Variants in SLC1A2 observed in about 807,000 individuals in gnomAD.
The protein encoded by SLC1A2 is solute carrier family 1 member 2.
A neutral mutation model predicts 48.8 loss-of-function variants in SLC1A2; 15 were observed. That is an observed-to-expected ratio of 0.31 (90% CI 0.21 to 0.47). The LOEUF (loss-of-function observed/expected upper bound fraction) is 0.47, where lower values mean the gene tolerates loss of function less well. Among genes scored for constraint, SLC1A2 ranks in the 20% least tolerant of loss-of-function variants. The pLI, the probability that SLC1A2 is intolerant of heterozygous loss-of-function variation, is 0.99. For missense variants in SLC1A2, 502 were observed against 730.5 expected (o/e 0.69, Z 3.61); for synonymous variants, 279 against 272.6 (o/e 1.02, Z -0.23).
At chr11:35,318,669 C>T (rs1355786152) in intron 1 of SLC1A2, among the ~76,000 whole-genome samples, 1 of 152,164 alleles carries the variant, frequency 6.6e-6, no homozygotes, top group African/African-American at 2.4e-5. Context: ...ATCCTGACTC[C>T]AACTCTTGCT....
chr11:35,347,575 A>G (rs1853088552), intron 1 of SLC1A2, among the ~76,000 whole-genome samples: 1 of 152,250 alleles, frequency 6.6e-6, no homozygotes, highest in East Asian at 1.9e-4. Flanking sequence ...TGGACACAAA[A>G]TTAAGAAGTG....
chr11:35,392,954 A>G (rs980317207), intron 1 of SLC1A2, among the ~76,000 whole-genome samples: 13 of 152,202 alleles, frequency 8.5e-5, no homozygotes, highest in Non-Finnish European at 1.9e-4. Context: ...CTATATACCT[A>G]TATGTTCCAG....
chr11:35,389,559 C>A (rs1854697140), intron 1 of SLC1A2, among the ~76,000 whole-genome samples: 1 of 152,070 alleles, frequency 6.6e-6, no homozygotes, highest in East Asian at 1.9e-4. Context: ...CAACCTCTGC[C>A]TCCCGGGTTC....
At chr11:35,309,292 C>T (rs538561689) in intron 4 of SLC1A2, among the ~76,000 whole-genome samples, 1 of 152,286 alleles carries the variant, frequency 6.6e-6, no homozygotes, top group South Asian at 2.1e-4. Flanking sequence ...CATCTGTCTC[C>T]TCCCCCCGTG....
intron 1 of SLC1A2, among the ~76,000 whole-genome samples, chr11:35,410,765 T>A (rs1855433941): frequency 6.6e-6 from 1 of 152,174 alleles, no homozygotes; most frequent in East Asian, 1.9e-4. Context: ...TCAGGATCAT[T>A]CTGAAGGGCC....
intron 9 of SLC1A2, among the ~76,000 whole-genome samples, chr11:35,278,795 G>T (rs1302352116): frequency 6.6e-6 from 1 of 151,998 alleles, no homozygotes; most frequent in Admixed American, 6.5e-5. Context: ...GAGGTGGGCC[G>T]ATCACTTGAG....
chr11:35,385,701 A>T (rs916281473), intron 1 of SLC1A2, among the ~76,000 whole-genome samples: 1 of 152,122 alleles, frequency 6.6e-6, no homozygotes, highest in Admixed American at 6.5e-5. Flanking sequence ...GATTGCTTGG[A>T]TTCTCCTTAG....
intron 1 of SLC1A2, among the ~76,000 whole-genome samples, chr11:35,382,878 T>C (rs1854475937): frequency 6.6e-6 from 1 of 152,092 alleles, no homozygotes. Flanking sequence ...TGTTTCCAGC[T>C]CTCTAGGAGT....
At chr11:35,306,734 T>G (rs1851523936) in intron 4 of SLC1A2, among the ~76,000 whole-genome samples, 1 of 152,212 alleles carries the variant, frequency 6.6e-6, no homozygotes, top group Non-Finnish European at 1.5e-5. Flanking sequence ...TTTCCACTAT[T>G]TTTCCATGTG....
Position 35,260,885 on chromosome 11 carries a change from C to T in SLC1A2, c.*9G>A, listed in dbSNP as rs1950383051. The T allele has an allele frequency of 1.3e-6, 2 of 1,598,830 alleles. No individual in the cohort carries two copies. The highest frequency in any genetic ancestry group is 3.3e-5 in the Admixed American group (2 of 59,980). On this transcript the variant is annotated 3_prime_UTR_variant, in exon 11 of 11. Transcript: ENST00000278379. ...GAGTTTATTCAAGAATTTGCTGAGA[C>T]TCATATCCTTATTTCTCACGTTTCC...
chr11:35,299,347 C>CTT (rs1351814037), intron 6 of SLC1A2: 1 of 123,318 alleles, frequency 8.1e-6, no homozygotes, highest in Non-Finnish European at 1.8e-5. Context: ...CTCTCTCTCT[C>CTT]TCTCTCTGTG....
chr11:35,261,801 AT>A, intron 10 of SLC1A2: 1 of 398,470 alleles, frequency 2.5e-6, no homozygotes, highest in East Asian at 3.6e-5. Flanking sequence ...TTTGAAAGAA[AT>A]CTGACTTTCT....
chr11:35,373,512 A>T (rs1227154785), intron 1 of SLC1A2, among the ~76,000 whole-genome samples: 3 of 152,182 alleles, frequency 2.0e-5, no homozygotes, highest in Non-Finnish European at 2.9e-5. Flanking sequence ...CAGAAGGTAG[A>T]AACAAGGGTG....
intron 9 of SLC1A2, among the ~76,000 whole-genome samples, chr11:35,280,194 C>T (rs906629103): frequency 1.3e-5 from 2 of 152,086 alleles, no homozygotes; most frequent in Non-Finnish European, 2.9e-5. Flanking sequence ...CAGAGTCGCA[C>T]TCTGTCCCCT....
intron 1 of SLC1A2, among the ~76,000 whole-genome samples, chr11:35,341,918 T>C (rs182817623): frequency 9.7e-4 from 147 of 152,320 alleles, no homozygotes; most frequent in African/African-American, 3.4e-3. Flanking sequence ...GCAATGAAAG[T>C]GTATGGACCT....
At chr11:35,395,799 TA>T (rs1854936545) in intron 1 of SLC1A2, among the ~76,000 whole-genome samples, 2 of 140,698 alleles carry the variant, frequency 1.4e-5, no homozygotes, top group Admixed American at 1.4e-4. Flanking sequence ...TAGCATTAGG[TA>T]TATCTCCCAA....
At chr11:35,338,161 G>A (rs989809555) in intron 1 of SLC1A2, among the ~76,000 whole-genome samples, 28 of 152,098 alleles carry the variant, frequency 1.8e-4, no homozygotes, top group Admixed American at 1.7e-3. Context: ...AGAACACAGC[G>A]AAGCCTATTG....
At chr11:35,307,071 C>G (rs987475883) in intron 4 of SLC1A2, 31 of 152,230 alleles carry the variant, frequency 2.0e-4, no homozygotes, top group Admixed American at 2.0e-3. Context: ...GATGGTCCTT[C>G]CAGTTGTGAT....
chr11:35,401,070 T>C (rs1240820891), intron 1 of SLC1A2, among the ~76,000 whole-genome samples: 2 of 152,196 alleles, frequency 1.3e-5, no homozygotes, highest in African/African-American at 4.8e-5. Flanking sequence ...GTTGAAAAAG[T>C]TTATTTAAAG....
Sources: gnomAD v4.1 joint callset for allele counts (sites outside exome capture counted in the v4.1 genomes callset) on GRCh38, gnomAD v4.1.1 for gene constraint, MANE v1.5 for transcripts, NCBI Gene and HGNC (gene_info 2026-07-23, HGNC 2026-07-21) for gene names.